Variants in AEBP2 observed in about 807,000 individuals in gnomAD.
AEBP2 encodes zinc finger protein AEBP2.
Under a neutral mutation model 50.8 loss-of-function variants are expected in AEBP2, and 10 were observed. The observed-to-expected ratio is 0.20, with a 90% confidence interval of 0.12 to 0.33. The LOEUF is 0.33. Among genes scored for constraint, AEBP2 ranks in the 10% least tolerant of loss-of-function variants. The pLI, the probability that AEBP2 is intolerant of heterozygous loss-of-function variation, is 1.00. For missense variants in AEBP2, 570 were observed against 688.0 expected, an observed-to-expected ratio of 0.83 and a Z score of 1.92; for synonymous variants, 296 against 261.3, an observed-to-expected ratio of 1.13 and a Z score of -1.28.
At chr12:19,492,214 C>T (rs1948904154) in intron 3 of AEBP2, among the ~76,000 whole-genome samples, 1 of 152,128 alleles carries the variant, frequency 6.6e-6, no homozygotes, top group African/African-American at 2.4e-5. Flanking sequence ...ATCCATCCAA[C>T]TGTGGATATT....
chr12:19,415,499 A>C (rs564842829), intron 1 of AEBP2, among the ~76,000 whole-genome samples: 1 of 150,648 alleles, frequency 6.6e-6, no homozygotes, highest in South Asian at 2.1e-4. Flanking sequence ...CACCTACTAA[A>C]TGTGAGAAAT....
chr12:19,483,936 G>A (rs551033013), intron 3 of AEBP2, among the ~76,000 whole-genome samples: 63 of 110,026 alleles, frequency 5.7e-4, no homozygotes, highest in African/African-American at 3.9e-3. Context: ...CCAAATTGTC[G>A]TTCCCTAGAG....
intron 1 of AEBP2, chr12:19,440,642 C>T: frequency 3.9e-6 from 6 of 1,528,574 alleles, no homozygotes; most frequent in Non-Finnish European, 3.5e-6. Context: ...CTCAGGACGG[C>T]TCTAACTCGG....
At chr12:19,408,577 T>G (rs1261176716) in intron 1 of AEBP2, among the ~76,000 whole-genome samples, 2 of 151,524 alleles carry the variant, frequency 1.3e-5, no homozygotes, top group African/African-American at 4.9e-5. Context: ...CGTATACACT[T>G]TCTGGATTTA....
chr12:19,440,230 C>T lies in AEBP2; in HGVS notation c.531C>T (p.Ser177=). The T allele has an allele frequency of 1.4e-6, 2 of 1,475,140 alleles. No individual in the cohort carries two copies. Among genetic ancestry groups the T allele is most frequent in the Non-Finnish European group, 8.9e-7 (1 of 1,126,500 alleles). 91.4% of individuals were successfully genotyped at this position (1,475,140 alleles called of 1,614,324 possible). A position where few individuals can be genotyped will look rare whatever the true frequency, so the allele number is the denominator to read the frequency against. The change falls in exon 1 of 8, where the codon AGC becomes AGT. Residue 177 remains serine (S), a synonymous_variant. Coordinates refer to ENST00000266508, the MANE Select transcript of AEBP2 (RefSeq NM_153207.5). ...GCGGCGGCGGGGGCGGCAGCAGTAG[C>T]AGCAGCGTAGTCTCCAGCGGCGGCG... The part of the protein sequence containing the change: ...SQGGGGGGSS[S]SSVVSSGGDE...
chr12:19,495,257 A>G (rs11044617), intron 4 of AEBP2, among the ~76,000 whole-genome samples: 3,274 of 152,294 alleles, frequency 0.021, 42 homozygotes, highest in East Asian at 0.043. Flanking sequence ...TGGGTGAATG[A>G]GTGAATAAAG....
chr12:19,502,101 C>T (rs41528449), intron 5 of AEBP2, among the ~76,000 whole-genome samples: 6,519 of 152,086 alleles, frequency 0.043, 324 homozygotes, highest in Admixed American at 0.14. Flanking sequence ...TCCTTACTTA[C>T]TTCCCAATTA....
intron 3 of AEBP2, among the ~76,000 whole-genome samples, chr12:19,487,807 C>T (rs961596352): frequency 2.6e-5 from 4 of 151,766 alleles, no homozygotes; most frequent in Non-Finnish European, 4.4e-5. Flanking sequence ...TATATGTAAG[C>T]GATTATTGTA....
In AEBP2 at chr12:19,440,236, C is replaced by T. The variant is rs986396285; in HGVS notation, c.537C>T (p.Ser179=). The T allele has an allele frequency of 3.4e-6, 5 of 1,473,610 alleles. No individual in the cohort carries two copies. Among genetic ancestry groups the T allele is most frequent in the African/African-American group, 1.5e-5 (1 of 67,796 alleles). The allele number at this position is 1,473,610 out of a possible 1,614,324, so 91.3% of individuals were successfully genotyped here. A position where few individuals can be genotyped will look rare whatever the true frequency, so the allele number is the denominator to read the frequency against. ...GCGGGGGCGGCAGCAGTAGCAGCAGCGTAGTCTCCAGCGGCGGCGACGAGG... is the reference window on the plus strand; with the variant it reads ...GCGGGGGCGGCAGCAGTAGCAGCAGTGTAGTCTCCAGCGGCGGCGACGAGG... ...GGGGGGSSSS[S]VVSSGGDEGY... Residue 179 remains serine, a synonymous_variant, in exon 1 of 8, where the codon AGC becomes AGT. Transcript: ENST00000266508.
At chr12:19,498,818 A>G (rs939199632) in intron 4 of AEBP2, among the ~76,000 whole-genome samples, 1 of 152,122 alleles carries the variant, frequency 6.6e-6, no homozygotes, top group African/African-American at 2.4e-5. Context: ...TGATCACACT[A>G]AAATACTGCC....
intron 3 of AEBP2, among the ~76,000 whole-genome samples, chr12:19,482,466 T>C (rs1948744540): frequency 6.6e-6 from 1 of 152,208 alleles, no homozygotes; most frequent in Admixed American, 6.5e-5. Context: ...TGGAATTAGC[T>C]GTTGTTTTCC....
chr12:19,423,761 A>G (rs989539756), intron 1 of AEBP2, among the ~76,000 whole-genome samples: 8 of 152,032 alleles, frequency 5.3e-5, no homozygotes, highest in Non-Finnish European at 1.0e-4. Context: ...GAATTGCTTG[A>G]ACCCCCGAGA....
chr12:19,442,597 C>T (rs1301744042), intron 1 of AEBP2, among the ~76,000 whole-genome samples: 1 of 152,062 alleles, frequency 6.6e-6, no homozygotes, highest in Non-Finnish European at 1.5e-5. Flanking sequence ...AAGTAAAATA[C>T]GGGTGTCACA....
chr12:19,420,192 T>A (rs1217278678), intron 1 of AEBP2, among the ~76,000 whole-genome samples: 6 of 149,234 alleles, frequency 4.0e-5, no homozygotes, highest in Middle Eastern at 3.5e-3. Context: ...ATTGGCTAAT[T>A]TTTTTTTTGT....
chr12:19,462,929 C>T (rs969797966), intron 2 of AEBP2, among the ~76,000 whole-genome samples: 6 of 151,926 alleles, frequency 3.9e-5, no homozygotes, highest in East Asian at 1.9e-4. Flanking sequence ...TTTTTAGATA[C>T]GTTATTTTGA....
At position 19,439,990 on chromosome 12, in the gene AEBP2, A is replaced by C. The variant is rs1000585042; in HGVS notation, c.291A>C (p.Glu97Asp). 16 of 1,522,458 alleles carry C rather than the reference A, an allele frequency of 1.1e-5. No homozygotes were observed. Among genetic ancestry groups the C allele is most frequent in the East Asian group, 1.0e-4 (4 of 38,130 alleles). 94.3% of individuals were successfully genotyped at this position (1,522,458 alleles called of 1,614,324 possible). A position where few individuals can be genotyped will look rare whatever the true frequency, so the allele number is the denominator to read the frequency against. Reference sequence around the variant, plus strand: ...GCGCCAGCCAGGCCGGGGAGGACGAAGACGAGGAGGAGGACGACGAGGAGG... The same window carrying C: ...GCGCCAGCCAGGCCGGGGAGGACGACGACGAGGAGGAGGACGACGAGGAGG... ...PESASQAGEDEDEEEDDEEEE... is the reference protein window; with the variant it reads ...PESASQAGEDDDEEEDDEEEE... Residue 97 changes from glutamate to aspartate, a missense_variant, in exon 1 of 8, where the codon GAA becomes GAC. Glu to Asp is a conservative substitution (Grantham distance 45). This residue lies in a region of AEBP2 where 386 missense variants were observed against 336.8 expected (regional missense o/e 1.15). Transcript: ENST00000266508.
intron 5 of AEBP2, among the ~76,000 whole-genome samples, chr12:19,507,388 A>G (rs757886247): frequency 1.3e-5 from 2 of 152,208 alleles, no homozygotes; most frequent in Admixed American, 6.5e-5. Context: ...ATGGCTCCAA[A>G]AGAAGGAAAA....
At chr12:19,456,633 G>A in intron 1 of AEBP2, 1 of 1,524,154 alleles carries the variant, frequency 6.6e-7, no homozygotes, top group East Asian at 2.3e-5. Flanking sequence ...CGCTTCCATT[G>A]GTGGGTCATC....
rs73339322 is a variant in AEBP2 at position 19,483,955 on chromosome 12, G to A, written c.988-9845G>A. ...ATTGTCGTTCCCTAGAGCTAGTGCC[G>A]TCATCAGTAATGTTAGAGTGTCTGC... On this transcript the variant is annotated intron_variant, in intron 3 of 7. Coordinates refer to ENST00000266508, the MANE Select transcript of AEBP2 (RefSeq NM_153207.5). Among the ~76,000 whole-genome samples the A allele has an allele frequency of 3.4e-3, 524 of 152,228 alleles. 6 individuals carry two copies. The highest frequency in any genetic ancestry group is 0.012 in the African/African-American group (508 of 41,526).
Sources: gnomAD v4.1 joint callset for allele counts (sites outside exome capture counted in the v4.1 genomes callset) on GRCh38, gnomAD v4.1.1 for gene constraint, gnomAD v4.1.1 regional missense constraint, MANE v1.5 for transcripts, NCBI Gene and HGNC (gene_info 2026-07-23, HGNC 2026-07-21) for gene names.